The following SARDH variants were observed in gnomAD, a reference collection of about 807,000 sequenced individuals.
SARDH encodes sarcosine dehydrogenase, mitochondrial.
A neutral mutation model predicts 109.1 loss-of-function variants in SARDH; 95 were observed. The ratio of observed to expected loss-of-function variants is 0.87; its 90% CI spans 0.74 to 1.03. The LOEUF is 1.03. SARDH is among the 50% of genes least tolerant of loss of function. The probability of loss-of-function intolerance (pLI) is 0.00; values close to 1 mark genes in which losing one functional copy is unlikely to be tolerated. For synonymous variants in SARDH, 572 were observed against 534.8 expected, an observed-to-expected ratio of 1.07 and a Z score of -0.96; for missense variants, 1,267 against 1,287.8, an observed-to-expected ratio of 0.98 and a Z score of 0.25.
intron 13 of SARDH, among the ~76,000 whole-genome samples, chr9:133,696,968 G>C (rs1035193092): frequency 6.6e-6 from 1 of 152,012 alleles, no homozygotes. Flanking sequence ...TGAAATGTTA[G>C]AACAGAAATA....
At position 133,728,110 on chromosome 9, in the gene SARDH, C is replaced by T. The variant is rs1832556623; in HGVS notation, c.915+1655G>A. ...ACCCACCGTGTGACTACTCTTAGTC[C>T]CTAACCCGGCACATGGCACCAGCCA... On this transcript the variant is annotated intron_variant, in intron 6 of 20. Coordinates refer to ENST00000439388, the MANE Select transcript of SARDH (RefSeq NM_001134707.2). The surrounding 1 kb of genome is among the most constrained non-coding windows in gnomAD (Gnocchi z 5.0). Among the ~76,000 whole-genome samples, 1 of 152,148 alleles carries T rather than the reference C, an allele frequency of 6.6e-6. No individual in the cohort carries two copies. The highest frequency in any genetic ancestry group is 2.4e-5 in the African/African-American group (1 of 41,436).
intron 17 of SARDH, among the ~76,000 whole-genome samples, chr9:133,680,646 GCTC>G (rs1350094665): frequency 6.6e-6 from 1 of 152,218 alleles, no homozygotes; most frequent in African/African-American, 2.4e-5. Flanking sequence ...TCCTCCACAC[GCTC>G]CTCGAGTCCC....
chr9:133,735,937 G>A (rs1369266885), intron 1 of SARDH, among the ~76,000 whole-genome samples: 1 of 152,092 alleles, frequency 6.6e-6, no homozygotes, highest in Non-Finnish European at 1.5e-5. Flanking sequence ...CTACTCTGGA[G>A]GCTGAGACAG....
chr9:133,682,651 A>C (rs1395427047), intron 17 of SARDH, among the ~76,000 whole-genome samples: 1 of 151,156 alleles, frequency 6.6e-6, no homozygotes, highest in Non-Finnish European at 1.5e-5. Flanking sequence ...ACCCACGCGC[A>C]GTGATGGTTG....
At chr9:133,660,183 C>T (rs551279661), downstream of SARDH, among the ~76,000 whole-genome samples, 7 of 152,066 alleles carry the variant, frequency 4.6e-5, no homozygotes, top group South Asian at 4.2e-4. Flanking sequence ...CCCAGATAAG[C>T]GTAACCCCGT....
chr9:133,733,247 T>G lies in SARDH; in HGVS notation c.331+596A>C, dbSNP rs1453976188. On this transcript the variant is annotated intron_variant, in intron 2 of 20. Transcript: ENST00000439388. ...AACTCCACAGTCAGTGACCTCACACTGGTGGCTTTTGCTATTGGCCAGGGT... is the reference window on the plus strand; with the variant it reads ...AACTCCACAGTCAGTGACCTCACACGGGTGGCTTTTGCTATTGGCCAGGGT... 2.0e-5 allele frequency among the ~76,000 whole-genome samples: 3 copies of G among 152,306 alleles called. No homozygotes were observed. In the East Asian group the frequency reaches 5.8e-4, roughly 29 times the overall value.
At chr9:133,734,795 CA>C (rs1331695485) in intron 1 of SARDH, among the ~76,000 whole-genome samples, 4 of 152,220 alleles carry the variant, frequency 2.6e-5, no homozygotes, top group Non-Finnish European at 2.9e-5. Context: ...CCCCAGATCA[CA>C]GACAGCGAGA....
Position 133,699,157 on chromosome 9 carries a change from A to G in SARDH, c.1669-2796T>C, listed in dbSNP as rs560818110. Among the ~76,000 whole-genome samples, 241 of 152,064 alleles carry G rather than the reference A, an allele frequency of 1.6e-3. 5 individuals are homozygous for G. The highest frequency in any genetic ancestry group is 5.6e-3 in the African/African-American group (234 of 41,502). ...AGGTCAGGAGTTCGAGACCAGCCTG[A>G]CCAACATGGAGAAACCCCATCTCTA... On this transcript the variant is annotated intron_variant, in intron 13 of 20. Transcript: ENST00000439388.
At chr9:133,684,398 G>A (rs552416766) in intron 17 of SARDH, among the ~76,000 whole-genome samples, 17 of 152,350 alleles carry the variant, frequency 1.1e-4, no homozygotes, top group Admixed American at 2.0e-4. Flanking sequence ...TGATGTTCTC[G>A]GAACAGTGTC....
intron 13 of SARDH, among the ~76,000 whole-genome samples, chr9:133,696,993 G>A (rs1428002540): frequency 1.3e-5 from 2 of 151,896 alleles, no homozygotes; most frequent in East Asian, 3.9e-4. Context: ...TCGAAAAATA[G>A]GAAAAAACAG....
At chr9:133,667,011 T>C (rs1206187103) in intron 19 of SARDH, 141 bp from the exon 20 acceptor site, 6 of 1,171,810 alleles carry the variant, frequency 5.1e-6, no homozygotes, top group Non-Finnish European at 7.3e-6. Context: ...CTACTAGGAC[T>C]ACGCTGGTCC....
At position 133,704,019 on chromosome 9, in the gene SARDH, A is replaced by T. The variant is rs920493161; in HGVS notation, c.1554+929T>A. On this transcript the variant is annotated intron_variant, in intron 12 of 20. Transcript: ENST00000439388. The surrounding 1 kb of genome is among the most constrained non-coding windows in gnomAD (Gnocchi z 4.5). Reference sequence around the variant, plus strand: ...AGGGGAGAGGGGCTTCCAGGGCCAGATCTGACTGGAACACAGTGGGTTGCA... The same window carrying T: ...AGGGGAGAGGGGCTTCCAGGGCCAGTTCTGACTGGAACACAGTGGGTTGCA... Among the ~76,000 whole-genome samples, 1 of 152,014 alleles carries T rather than the reference A, an allele frequency of 6.6e-6. No homozygotes were observed. Among genetic ancestry groups the T allele is most frequent in the African/African-American group, 2.4e-5 (1 of 41,390 alleles).
In SARDH at chr9:133,737,712, TCTGA is replaced by T. The variant is rs1832931399; in HGVS notation, c.-31+538_-31+541del. ...CACCTGCCTGGTCAGTCAGGGCTCTTCTGACTGTCAGACTGGGGGCTGGCAGCGG... is the reference window on the plus strand; with the variant it reads ...CACCTGCCTGGTCAGTCAGGGCTCTTCTGTCAGACTGGGGGCTGGCAGCGG... On this transcript the variant is annotated intron_variant, in intron 1 of 20. Transcript: ENST00000439388. Among the ~76,000 whole-genome samples, 6 of 152,316 alleles carry T rather than the reference TCTGA, an allele frequency of 3.9e-5. No homozygotes were observed. In the South Asian group the frequency reaches 1.2e-3, roughly 32 times the overall value.
At chr9:133,671,810 C>T (rs1395667932) in intron 17 of SARDH, 113 bp from the exon 18 acceptor site, 2 of 1,330,674 alleles carry the variant, frequency 1.5e-6, no homozygotes, top group African/African-American at 3.0e-5. Context: ...TCAGCTGGCC[C>T]TGGGTCCCAG....
At chr9:133,731,187 C>A in intron 4 of SARDH, 118 bp downstream of exon 4, 9 of 1,369,994 alleles carry the variant, frequency 6.6e-6, no homozygotes, top group Non-Finnish European at 8.9e-6. Flanking sequence ...CCTCACTGGC[C>A]CAAAGTCACA....
intron 11 of SARDH, among the ~76,000 whole-genome samples, chr9:133,705,854 G>A (rs1454105551): frequency 2.0e-5 from 3 of 152,146 alleles, no homozygotes; most frequent in African/African-American, 4.8e-5. Flanking sequence ...AATCCCATAC[G>A]GCTGGAGCCC....
Position 133,703,001 on chromosome 9 carries a change from TA to T in SARDH, c.1582del (p.Tyr528ThrfsTer94). 6.2e-7 allele frequency: 1 copy of T among 1,613,454 alleles called. No homozygotes were observed. Among genetic ancestry groups the T allele is most frequent in the Non-Finnish European group, 8.5e-7 (1 of 1,179,970 alleles). On this transcript the variant is annotated frameshift_variant, in exon 13 of 21. Transcript: ENST00000439388. LOFTEE classifies it high-confidence loss of function. ...GTAGTCCTCGTGCGCGCGGCTCCCG[TA>T]AGCCCCGTAGTAGTCGTACTCGAGG... The part of the protein sequence containing the change: ...PVLEYDYYGA[Y>X]GSRAHEDYAY...
intron 13 of SARDH, among the ~76,000 whole-genome samples, chr9:133,698,113 ATTG>A (rs1831356585): frequency 6.6e-6 from 1 of 152,028 alleles, no homozygotes; most frequent in African/African-American, 2.4e-5. Context: ...ACAAAAAACT[ATTG>A]TATTTCTATA....
chr9:133,728,611 G>A lies in SARDH; in HGVS notation c.915+1154C>T, dbSNP rs1012155632. ...TCCTATAGCCCCTGAGACCCCATCA[G>A]AGCCCTTATCAGCATGTTCTGGAAT... On this transcript the variant is annotated intron_variant, in intron 6 of 20. Transcript: ENST00000439388. The surrounding 1 kb of genome is among the most constrained non-coding windows in gnomAD (Gnocchi z 5.0). 6.6e-6 allele frequency among the ~76,000 whole-genome samples: 1 copy of A among 152,154 alleles called. No individual in the cohort carries two copies. The highest frequency in any genetic ancestry group is 2.4e-5 in the African/African-American group (1 of 41,440).
Sources: allele counts gnomAD v4.1 joint callset (sites outside exome capture counted in the v4.1 genomes callset), GRCh38; gene constraint gnomAD v4.1.1; non-coding constraint Gnocchi (gnomAD v3.1); transcripts MANE v1.5; gene names NCBI Gene and HGNC (gene_info 2026-07-23, HGNC 2026-07-21).